Variants in NOL7 observed in about 807,000 individuals in gnomAD.
NOL7 encodes U3 small nucleolar RNA-associated protein NOL7.
Under a neutral mutation model 38.4 loss-of-function variants are expected in NOL7, and 36 were observed. The ratio of observed to expected loss-of-function variants is 0.94; its 90% CI spans 0.72 to 1.24. The LOEUF (loss-of-function observed/expected upper bound fraction) is 1.24. Ranked by LOEUF, NOL7 falls within the 50% of genes most tolerant of loss-of-function variation. The pLI, the probability that NOL7 is intolerant of heterozygous loss-of-function variation, is 0.00. For missense variants in NOL7, 350 were observed against 315.1 expected (o/e 1.11, Z -0.84); for synonymous variants, 142 against 126.5 (o/e 1.12, Z -0.82).
At position 13,615,703 on chromosome 6, in the gene NOL7, T is replaced by C. The variant is rs759760467; in HGVS notation, c.267-9T>C. 27 of 1,613,952 alleles carry C rather than the reference T, an allele frequency of 1.7e-5. 1 individual carries two copies. In the South Asian group the frequency reaches 3.0e-4, roughly 18 times the overall value. Reference sequence around the variant, plus strand: ...CTTCCCTTTGCTGACTTATCACCCTTCCTCCCAGGGATAAAACGCTCCTGA... The same window carrying C: ...CTTCCCTTTGCTGACTTATCACCCTCCCTCCCAGGGATAAAACGCTCCTGA... On this transcript the variant is annotated splice_polypyrimidine_tract_variant and intron_variant, in intron 1 of 7. Coordinates refer to ENST00000451315, the MANE Select transcript of NOL7 (RefSeq NM_016167.5).
intron 8 of NOL7, among the ~76,000 whole-genome samples, chr6:13,629,236 A>AC (rs1374315003): frequency 6.6e-6 from 1 of 152,250 alleles, no homozygotes; most frequent in African/African-American, 2.4e-5. Flanking sequence ...TCAGCCTCCC[A>AC]AAGTGTTGGG....
chr6:13,625,080 C>G (rs1018654555), downstream of NOL7, among the ~76,000 whole-genome samples: 6 of 152,210 alleles, frequency 3.9e-5, no homozygotes, highest in African/African-American at 1.4e-4. Flanking sequence ...GCTCTTCACT[C>G]CCTTACTTCC....
chr6:13,632,264 T>A (rs1764808506), intron 8 of NOL7: 3 of 1,156,620 alleles, frequency 2.6e-6, no homozygotes. Context: ...GAAGGTCAGG[T>A]CCCAGTTCCC....
chr6:13,615,982 G>C (rs1203126477), intron 2 of NOL7, among the ~76,000 whole-genome samples: 2 of 151,440 alleles, frequency 1.3e-5, no homozygotes, highest in African/African-American at 2.4e-5. Context: ...GCTGCCTGGA[G>C]CCGAGATCAC....
chr6:13,617,840 G>A (rs888561858), intron 4 of NOL7, 39 bp downstream of exon 4: 2 of 1,579,024 alleles, frequency 1.3e-6, no homozygotes, highest in Non-Finnish European at 1.7e-6. Context: ...TCATGTAAGT[G>A]TCAAGTGCAC....
chr6:13,615,718 A>T lies in NOL7; in HGVS notation c.273A>T (p.Lys91Asn), dbSNP rs1243885782. Residue 91 changes from lysine to asparagine, a missense_variant, in exon 2 of 8, where the codon AAA becomes AAT. Transcript: ENST00000451315. ...TTATCACCCTTCCTCCCAGGGATAA[A>T]ACGCTCCTGAAGGAGAAGAGGAAGC... The part of the protein sequence containing the change: ...RRVRETVRRD[K>N]TLLKEKRKRR... The T allele has an allele frequency of 1.2e-6, 2 of 1,614,134 alleles. No homozygotes were observed. The highest frequency in any genetic ancestry group is 1.7e-6 in the Non-Finnish European group (2 of 1,180,054).
chr6:13,624,743 C>A (rs1453753884), downstream of NOL7, among the ~76,000 whole-genome samples: 3 of 152,170 alleles, frequency 2.0e-5, no homozygotes, highest in East Asian at 3.8e-4. Context: ...TGATGCTCAC[C>A]CCTGGCTAAG....
At position 13,620,395 on chromosome 6, in the gene NOL7, C is replaced by T. The variant is rs1764410446; in HGVS notation, c.623-13C>T. 1.2e-6 allele frequency: 2 copies of T among 1,613,670 alleles called. No homozygotes were observed. Among genetic ancestry groups the T allele is most frequent in the Non-Finnish European group, 1.7e-6 (2 of 1,179,766 alleles). The stretch of plus-strand genomic sequence containing the variant: ...AATAAAACTGTGAAATGATAAATAC[C>T]TTTCTTTTCTAGTAAATAAGTTCCT... On this transcript the variant is annotated splice_polypyrimidine_tract_variant and intron_variant, in intron 6 of 7. Coordinates refer to ENST00000451315, the MANE Select transcript of NOL7 (RefSeq NM_016167.5).
chr6:13,619,811 T>C (rs1764389547), intron 5 of NOL7, among the ~76,000 whole-genome samples: 1 of 152,230 alleles, frequency 6.6e-6, no homozygotes, highest in Non-Finnish European at 1.5e-5. Context: ...TCTGTGCATA[T>C]ATAAAATTAG....
chr6:13,625,729 C>A, downstream of NOL7: 1 of 1,612,552 alleles, frequency 6.2e-7, no homozygotes, highest in Non-Finnish European at 8.5e-7. Flanking sequence ...CTGGGCTGTT[C>A]CAGGGATCTG....
At chr6:13,617,916 G>C (rs1398252721) in intron 4 of NOL7, 115 bp downstream of exon 4, 1 of 1,102,184 alleles carries the variant, frequency 9.1e-7, no homozygotes, top group African/African-American at 1.6e-5. Flanking sequence ...GCCAAGGTTA[G>C]CTGGGGCCTA....
At chr6:13,619,271 A>G (rs1283083313) in intron 5 of NOL7, among the ~76,000 whole-genome samples, 3 of 152,220 alleles carry the variant, frequency 2.0e-5, no homozygotes, top group Non-Finnish European at 4.4e-5. Context: ...CCCTGACAAT[A>G]TGGCCTTATC....
intron 3 of NOL7, 63 bp downstream of exon 3, chr6:13,616,584 T>A (rs1764296185): frequency 1.8e-6 from 2 of 1,084,770 alleles, no homozygotes; most frequent in Non-Finnish European, 2.7e-6. Flanking sequence ...TATATACTGG[T>A]ACATTTATTT....
chr6:13,617,098 A>G (rs1562289995), intron 3 of NOL7, among the ~76,000 whole-genome samples: 5 of 151,994 alleles, frequency 3.3e-5, no homozygotes, highest in African/African-American at 1.2e-4. Context: ...TGCTTAGGCC[A>G]GTGACTCTCA....
At chr6:13,617,874 T>C in intron 4 of NOL7, 73 bp downstream of exon 4, 1 of 1,430,884 alleles carries the variant, frequency 7.0e-7, no homozygotes, top group Non-Finnish European at 9.9e-7. Flanking sequence ...CAGTCAAATA[T>C]GAATGGCCCT....
In NOL7 at chr6:13,617,767, T is replaced by C. The variant is rs376901906; in HGVS notation, c.387-3T>C. The C allele has an allele frequency of 5.6e-6, 9 of 1,613,674 alleles. No individual in the cohort carries two copies. The African/African-American group carries it at 1.2e-4, about 22-fold the overall frequency. ...AGTCAGTGGTTTTGTTTTTTTTCCT[T>C]AGCATCAAGAAATCGCCAGGAAAGG... On this transcript the variant is annotated splice_polypyrimidine_tract_variant and splice_region_variant and intron_variant, in intron 3 of 7. Transcript: ENST00000451315.
intron 5 of NOL7, among the ~76,000 whole-genome samples, chr6:13,618,659 G>A (rs565728716): frequency 6.6e-6 from 1 of 152,340 alleles, no homozygotes; most frequent in African/African-American, 2.4e-5. Context: ...GGAGGCTGAA[G>A]CAGGTGGATT....
At position 13,615,368 on chromosome 6, in the gene NOL7, C is replaced by T; in HGVS notation, c.10C>T (p.Leu4Phe). The change falls in exon 1 of 8, where the codon CTC becomes TTC. Residue 4 changes from leucine to phenylalanine, a missense_variant. Transcript: ENST00000451315. ...TAGCGCTGCGTGGGCCATGGTGCAG[C>T]TCCGACCGCGAGCGTCTCGCGCCCC... Reference protein sequence around the residue: MVQLRPRASRAPAS... With the variant: MVQFRPRASRAPAS... 1 of 1,508,580 alleles carries T rather than the reference C, an allele frequency of 6.6e-7. No homozygotes were observed. The highest frequency in any genetic ancestry group is 1.4e-5 in the African/African-American group (1 of 72,290). 93.4% of individuals were successfully genotyped at this position (1,508,580 alleles called of 1,614,324 possible). A position where few individuals can be genotyped will look rare whatever the true frequency, so the allele number is the denominator to read the frequency against.
intron 8 of NOL7, among the ~76,000 whole-genome samples, chr6:13,627,630 CAAAAAAAAAAAAA>C (rs35401168): frequency 3.0e-5 from 2 of 66,410 alleles, no homozygotes; most frequent in East Asian, 4.5e-4. Context: ...ACTCCATCTC[CAAAAAAAAAAAAA>C]AAAAAAAAAA....
Sources: allele counts gnomAD v4.1 joint callset (sites outside exome capture counted in the v4.1 genomes callset), GRCh38; gene constraint gnomAD v4.1.1; transcripts MANE v1.5; gene names NCBI Gene and HGNC (gene_info 2026-07-23, HGNC 2026-07-21).